PRKCB: variants seen among roughly 807,000 people sequenced by gnomAD.
The protein encoded by PRKCB is protein kinase C beta.
PRKCB carries 13 observed loss-of-function variants against 81.5 expected under a neutral mutation model. That is an observed-to-expected ratio of 0.16 (90% CI 0.10 to 0.25). The LOEUF is 0.25. Among genes scored for constraint, PRKCB ranks in the 10% least tolerant of loss-of-function variants. PRKCB has a pLI of 1.00. For synonymous variants in PRKCB, 335 were observed against 321.4 expected (o/e 1.04, Z -0.45); for missense variants, 509 against 875.7 (o/e 0.58, Z 5.29).
intron 3 of PRKCB, among the ~76,000 whole-genome samples, chr16:24,005,292 T>C (rs1443555394): frequency 6.6e-6 from 1 of 151,962 alleles, no homozygotes; most frequent in African/African-American, 2.4e-5. Flanking sequence ...TAAAAATATA[T>C]ACACATGTAA....
At chr16:23,893,774 G>T (rs1393116990) in intron 2 of PRKCB, 1 of 152,160 alleles carries the variant, frequency 6.6e-6, no homozygotes, top group Non-Finnish European at 1.5e-5. Flanking sequence ...TTACTGCATA[G>T]ATTTCTATTG....
At chr16:24,154,649 T>A (rs372069305) in intron 9 of PRKCB, 35 bp from the exon 10 acceptor site, 11 of 1,610,096 alleles carry the variant, frequency 6.8e-6, no homozygotes, top group Non-Finnish European at 8.5e-6. Flanking sequence ...CCAGACTCCT[T>A]CCAACTGCCC....
At chr16:24,019,741 G>A (rs1965334563) in intron 3 of PRKCB, among the ~76,000 whole-genome samples, 1 of 151,704 alleles carries the variant, frequency 6.6e-6, no homozygotes, top group Non-Finnish European at 1.5e-5. Context: ...TCCAGCCTGG[G>A]TGACAAAGTG....
At chr16:24,140,888 T>A (rs1161139037) in intron 9 of PRKCB, among the ~76,000 whole-genome samples, 3 of 152,198 alleles carry the variant, frequency 2.0e-5, no homozygotes, top group African/African-American at 7.2e-5. Context: ...GGGGAAGGGC[T>A]GTTACCATGT....
chr16:23,958,084 C>G (rs998987673), intron 2 of PRKCB, among the ~76,000 whole-genome samples: 2 of 152,094 alleles, frequency 1.3e-5, no homozygotes, highest in African/African-American at 4.8e-5. Flanking sequence ...CTCTGCTTCC[C>G]AAGTTCAAGG....
At chr16:24,117,082 A>ACATTTTTTT (rs1567380723) in intron 8 of PRKCB, among the ~76,000 whole-genome samples, 1 of 152,168 alleles carries the variant, frequency 6.6e-6, no homozygotes, top group African/African-American at 2.4e-5. Flanking sequence ...GATTTAAAAA[A>ACATTTTTTT]ATGTTTCCAA....
At chr16:24,109,797 T>A (rs1479323660) in intron 7 of PRKCB, among the ~76,000 whole-genome samples, 1 of 134,374 alleles carries the variant, frequency 7.4e-6, no homozygotes, top group Non-Finnish European at 1.5e-5. Context: ...ATCACGCTAC[T>A]GCACTCCAGC....
chr16:24,185,444 C>A lies in PRKCB; in HGVS notation c.1615-16C>A, dbSNP rs375870315. On this transcript the variant is annotated splice_polypyrimidine_tract_variant and intron_variant, in intron 14 of 16. Transcript: ENST00000643927. ...AAGCAGGGATTCTTCTCCTCCCACC[C>A]TCCCCTGTCATACAGGCACCCTTTG... 3.1e-6 allele frequency: 5 copies of A among 1,608,090 alleles called. No individual in the cohort carries two copies. Among genetic ancestry groups the A allele is most frequent in the Middle Eastern group, 3.3e-4 (2 of 6,072 alleles).
At chr16:24,159,465 G>A (rs1230363064) in intron 10 of PRKCB, among the ~76,000 whole-genome samples, 2 of 152,166 alleles carry the variant, frequency 1.3e-5, no homozygotes, top group African/African-American at 4.8e-5. Context: ...CACTCTAGCT[G>A]TATTATCTCA....
intron 16 of PRKCB, among the ~76,000 whole-genome samples, chr16:24,198,708 CT>C: frequency 6.6e-6 from 1 of 152,192 alleles, no homozygotes; most frequent in Middle Eastern, 3.4e-3. Flanking sequence ...CTCTAGTATT[CT>C]TTTAAAATAT....
intron 16 of PRKCB, among the ~76,000 whole-genome samples, chr16:24,207,895 A>T (rs538030114): frequency 6.6e-6 from 1 of 152,196 alleles, no homozygotes; most frequent in Non-Finnish European, 1.5e-5. Context: ...GTCACCTCCA[A>T]GAGTTCATGA....
chr16:23,863,255 T>TAAAC lies in PRKCB; in HGVS notation c.205+25850_205+25851insAACA, dbSNP rs71381622. Among the ~76,000 whole-genome samples the TAAAC allele has an allele frequency of 1.8e-3, 245 of 132,824 alleles. 1 individual carries two copies. Among genetic ancestry groups the TAAAC allele is most frequent in the Non-Finnish European group, 2.8e-3 (179 of 63,228 alleles). The allele number at this position is 132,824 out of a possible 152,430, so 87.1% of individuals were successfully genotyped here. On this transcript the variant is annotated intron_variant, in intron 2 of 16. Transcript: ENST00000643927. ...GTATATATATACATATATATACACA[T>TAAAC]ACACACACACACACACACACACACA... is the stretch of plus-strand genomic sequence containing the variant.
At chr16:24,154,965 C>A in intron 10 of PRKCB, 108 bp downstream of exon 10, 1 of 1,300,336 alleles carries the variant, frequency 7.7e-7, no homozygotes, top group Non-Finnish European at 1.0e-6. Context: ...CCTTCCCTTT[C>A]TAGACACAGA....
At chr16:24,181,868 A>G (rs1227395751) in intron 13 of PRKCB, among the ~76,000 whole-genome samples, 4 of 151,606 alleles carry the variant, frequency 2.6e-5, no homozygotes, top group Non-Finnish European at 4.4e-5. Flanking sequence ...TCTGTTTTCA[A>G]TGAGTAAAAG....
chr16:23,990,492 T>G (rs1448195013), intron 3 of PRKCB, among the ~76,000 whole-genome samples: 1 of 151,576 alleles, frequency 6.6e-6, no homozygotes, highest in Non-Finnish European at 1.5e-5. Context: ...TTTTTTTTTT[T>G]TTTCTTTTTT....
At chr16:23,839,445 A>G (rs1962228954) in intron 2 of PRKCB, among the ~76,000 whole-genome samples, 1 of 152,012 alleles carries the variant, frequency 6.6e-6, no homozygotes, top group African/African-American at 2.4e-5. Flanking sequence ...GGCTAATTTT[A>G]AAACAACTTT....
chr16:24,077,068 C>T (rs981116490), intron 5 of PRKCB, among the ~76,000 whole-genome samples: 5 of 152,140 alleles, frequency 3.3e-5, no homozygotes, highest in Non-Finnish European at 7.4e-5. Flanking sequence ...GTAAACTTAG[C>T]ACCTGGGCAT....
At chr16:23,991,233 A>C (rs1428783393) in intron 3 of PRKCB, among the ~76,000 whole-genome samples, 1 of 152,214 alleles carries the variant, frequency 6.6e-6, no homozygotes, top group Admixed American at 6.5e-5. Flanking sequence ...ATGCTGGAGC[A>C]TATGTTGGAT....
At chr16:24,100,837 C>T (rs1459131139) in intron 7 of PRKCB, among the ~76,000 whole-genome samples, 4 of 152,126 alleles carry the variant, frequency 2.6e-5, no homozygotes, top group Non-Finnish European at 5.9e-5. Flanking sequence ...TAGGGTTTTT[C>T]AAGGACAGTT....
Sources: allele counts gnomAD v4.1 joint callset (sites outside exome capture counted in the v4.1 genomes callset), GRCh38; gene constraint gnomAD v4.1.1; transcripts MANE v1.5; gene names NCBI Gene and HGNC (gene_info 2026-07-23, HGNC 2026-07-21).